C8orf34: variants seen among roughly 807,000 people sequenced by gnomAD.
C8orf34 encodes the protein chromosome 8 open reading frame 34.
A neutral mutation model predicts 68.3 loss-of-function variants in C8orf34; 65 were observed. The ratio of observed to expected loss-of-function variants is 0.95; its 90% confidence interval spans 0.78 to 1.17. C8orf34 has a LOEUF of 1.17. C8orf34 is among the 50% of genes most tolerant of loss of function. The pLI is 0.00. For synonymous variants in C8orf34, 244 were observed against 241.2 expected (o/e 1.01, Z -0.11); for missense variants, 664 against 655.4 (o/e 1.01, Z -0.14).
At chr8:68,644,002 G>C (rs546435050) in intron 8 of C8orf34, among the ~76,000 whole-genome samples, 1 of 152,176 alleles carries the variant, frequency 6.6e-6, no homozygotes. Flanking sequence ...TCTGTCTAAA[G>C]TCTAGAGGCG....
chr8:68,530,088 C>T (rs974803144), intron 6 of C8orf34, among the ~76,000 whole-genome samples: 3 of 151,820 alleles, frequency 2.0e-5, no homozygotes, highest in Non-Finnish European at 4.4e-5. Flanking sequence ...TATTCTATTA[C>T]ATTTTGTTAA....
intron 7 of C8orf34, among the ~76,000 whole-genome samples, chr8:68,586,743 T>G (rs983895864): frequency 6.6e-6 from 1 of 152,258 alleles, no homozygotes; most frequent in African/African-American, 2.4e-5. Flanking sequence ...AAGCTTAATA[T>G]TTTCTTCTAT....
intron 6 of C8orf34, among the ~76,000 whole-genome samples, chr8:68,530,234 A>G (rs1815185857): frequency 6.6e-6 from 1 of 152,082 alleles, no homozygotes; most frequent in African/African-American, 2.4e-5. Context: ...ATTATTAAAT[A>G]TATTGGAAGT....
intron 7 of C8orf34, among the ~76,000 whole-genome samples, chr8:68,586,238 C>A (rs1235761283): frequency 1.3e-5 from 2 of 152,060 alleles, no homozygotes; most frequent in African/African-American, 4.8e-5. Flanking sequence ...CTACATCTTC[C>A]ATCATCAATA....
chr8:68,376,224 A>G (rs1022446909), intron 1 of C8orf34, among the ~76,000 whole-genome samples: 12 of 151,940 alleles, frequency 7.9e-5, no homozygotes, highest in African/African-American at 2.7e-4. Flanking sequence ...AAGTTGATAA[A>G]TAATGTTGAT....
chr8:68,644,325 T>C (rs1423988796), intron 8 of C8orf34, among the ~76,000 whole-genome samples: 1 of 152,098 alleles, frequency 6.6e-6, no homozygotes, highest in Non-Finnish European at 1.5e-5. Context: ...AATGATAGTT[T>C]GTGAGAAAGT....
At chr8:68,677,735 T>C (rs1820237974) in intron 8 of C8orf34, among the ~76,000 whole-genome samples, 1 of 151,750 alleles carries the variant, frequency 6.6e-6, no homozygotes. Flanking sequence ...ATAATAATGA[T>C]CAGAGTACAA....
At chr8:68,715,289 A>G (rs1031261468) in intron 9 of C8orf34, among the ~76,000 whole-genome samples, 3 of 152,190 alleles carry the variant, frequency 2.0e-5, no homozygotes, top group African/African-American at 7.2e-5. Context: ...AATTGAACTA[A>G]AAAGCTTCTG....
chr8:68,465,970 A>G (rs1812110933), intron 3 of C8orf34, among the ~76,000 whole-genome samples: 1 of 150,898 alleles, frequency 6.6e-6, no homozygotes, highest in Non-Finnish European at 1.5e-5. Flanking sequence ...ATAAAATAAA[A>G]TAAAATAAGA....
chr8:68,489,003 A>G (rs1221130367), intron 5 of C8orf34, among the ~76,000 whole-genome samples: 1 of 149,618 alleles, frequency 6.7e-6, no homozygotes, highest in Non-Finnish European at 1.5e-5. Context: ...TTTTTAAAAT[A>G]GCAGTGATTA....
chr8:68,788,502 G>A (rs1361367402), intron 12 of C8orf34, among the ~76,000 whole-genome samples: 1 of 152,122 alleles, frequency 6.6e-6, no homozygotes, highest in Non-Finnish European at 1.5e-5. Flanking sequence ...TTCAGGAATA[G>A]AGTAAAAAAC....
At chr8:68,496,028 C>T (rs192913281) in intron 5 of C8orf34, among the ~76,000 whole-genome samples, 123 of 152,142 alleles carry the variant, frequency 8.1e-4, no homozygotes, top group South Asian at 1.9e-3. Flanking sequence ...AAGACATTTT[C>T]TTTGTTATTC....
At chr8:68,645,095 C>T (rs1359482962) in intron 8 of C8orf34, among the ~76,000 whole-genome samples, 5 of 152,096 alleles carry the variant, frequency 3.3e-5, no homozygotes, top group African/African-American at 9.7e-5. Flanking sequence ...CAAGAGTTTA[C>T]ACAAAGGTAG....
intron 7 of C8orf34, among the ~76,000 whole-genome samples, chr8:68,565,136 C>T (rs1816546535): frequency 6.6e-6 from 1 of 152,142 alleles, no homozygotes; most frequent in Admixed American, 6.5e-5. Context: ...TTTTTCTCTG[C>T]TTTATATCAT....
At chr8:68,394,186 C>T (rs996824161) in intron 1 of C8orf34, among the ~76,000 whole-genome samples, 2 of 151,444 alleles carry the variant, frequency 1.3e-5, no homozygotes, top group Non-Finnish European at 2.9e-5. Flanking sequence ...GCGCTGCACC[C>T]ACTAACTCGT....
At chr8:68,361,042 A>G (rs1364450489) in intron 1 of C8orf34, among the ~76,000 whole-genome samples, 1 of 152,088 alleles carries the variant, frequency 6.6e-6, no homozygotes, top group Non-Finnish European at 1.5e-5. Flanking sequence ...GGTGTGAGCC[A>G]CCGCATCCGG....
At chr8:68,359,850 GA>G (rs1486387795) in intron 1 of C8orf34, among the ~76,000 whole-genome samples, 1 of 152,172 alleles carries the variant, frequency 6.6e-6, no homozygotes, top group African/African-American at 2.4e-5. Context: ...AAAGAATTAT[GA>G]AGGAATTATG....
intron 10 of C8orf34, among the ~76,000 whole-genome samples, chr8:68,734,609 T>C (rs908770762): frequency 5.3e-5 from 8 of 152,218 alleles, no homozygotes; most frequent in Admixed American, 1.3e-4. Flanking sequence ...CCCCACCTCA[T>C]TGCCATTATT....
chr8:68,358,263 A>G (rs1806831739), intron 1 of C8orf34, among the ~76,000 whole-genome samples: 1 of 152,114 alleles, frequency 6.6e-6, no homozygotes, highest in South Asian at 2.1e-4. Flanking sequence ...ATTTATTTGT[A>G]CATGATGTCT....
Sources: allele counts gnomAD v4.1 joint callset (sites outside exome capture counted in the v4.1 genomes callset), GRCh38; gene constraint gnomAD v4.1.1; transcripts MANE v1.5; gene names NCBI Gene and HGNC (gene_info 2026-07-23, HGNC 2026-07-21).